SNX29: variants seen among roughly 807,000 people sequenced by gnomAD.
SNX29 encodes the protein sorting nexin-29.
A neutral mutation model predicts 102.1 loss-of-function variants in SNX29; 78 were observed. That is an observed-to-expected ratio of 0.76 (90% CI 0.64 to 0.92). SNX29 has a LOEUF of 0.92. Ranked by LOEUF, SNX29 falls within the 40% of genes least tolerant of loss-of-function variation. The pLI is 0.00. For synonymous variants in SNX29, 580 were observed against 414.5 expected (o/e 1.40, Z -4.85); for missense variants, 1,280 against 1,061.7 (o/e 1.21, Z -2.86).
rs1355418895 is a variant in SNX29, at chr16:12,051,977, G to C, written c.879G>C (p.Glu293Asp). Residue 293 changes from glutamate to aspartate, a missense_variant, in exon 8 of 21, where the codon GAG (glutamate) becomes GAC (aspartate). By Grantham distance (45) the Glu-to-Asp change is conservative. Transcript: ENST00000566228. ...CACCTGGGGCAGGGGAGAGCTCAGA[G>C]GACAACTCCGACCGCTCCTCTGTCA... The part of the protein sequence containing the change: ...KKTPGAGESS[E>D]DNSDRSSVNI... 1.9e-6 allele frequency: 3 copies of C among 1,613,938 alleles called. No individual in the cohort carries two copies. The highest frequency in any genetic ancestry group is 1.7e-6 in the Non-Finnish European group (2 of 1,179,858).
At chr16:12,279,527 C>T (rs1306017815) in intron 15 of SNX29, among the ~76,000 whole-genome samples, 1 of 152,212 alleles carries the variant, frequency 6.6e-6, no homozygotes, top group African/African-American at 2.4e-5. Flanking sequence ...TCCTTGGGAG[C>T]TCCCTCAGTG....
intron 11 of SNX29, among the ~76,000 whole-genome samples, chr16:12,125,170 A>G (rs1024032466): frequency 8.5e-5 from 13 of 152,196 alleles, no homozygotes; most frequent in African/African-American, 2.9e-4. Flanking sequence ...AAGAGTCACA[A>G]AACAGCCAAT....
intron 13 of SNX29, among the ~76,000 whole-genome samples, chr16:12,152,384 C>G (rs2055338649): frequency 6.6e-6 from 1 of 152,204 alleles, no homozygotes; most frequent in African/African-American, 2.4e-5. Flanking sequence ...AGATGGGACA[C>G]CTGCAGATGG....
chr16:12,395,035 C>G (rs890131770), intron 16 of SNX29, among the ~76,000 whole-genome samples: 8 of 152,148 alleles, frequency 5.3e-5, no homozygotes, highest in Non-Finnish European at 1.0e-4. Flanking sequence ...ATTTTTTTTA[C>G]CACAATGGGA....
At chr16:12,250,694 G>C (rs900859114) in intron 14 of SNX29, among the ~76,000 whole-genome samples, 6 of 152,220 alleles carry the variant, frequency 3.9e-5, no homozygotes, top group African/African-American at 1.4e-4. Flanking sequence ...TGCACAGGTG[G>C]TTGAAGCACT....
rs1421151704 is a variant in SNX29, at chr16:12,567,120, A to T, written c.2319-1386A>T. Among the ~76,000 whole-genome samples the T allele has an allele frequency of 4.6e-5, 7 of 152,356 alleles. No homozygotes were observed. In the South Asian group the frequency reaches 1.0e-3, roughly 23 times the overall value. The stretch of plus-strand genomic sequence containing the variant: ...ATTTCTTTATGAATGCAAGTCTCTT[A>T]ACTCACATGATTTGTGAAACTGGGC... On this transcript the variant is annotated intron_variant, in intron 20 of 20. Coordinates refer to ENST00000566228, the MANE Select transcript of SNX29 (RefSeq NM_032167.5).
rs115707289 is a variant in SNX29 at position 12,566,496 on chromosome 16, A to G, written c.2319-2010A>G. Among the ~76,000 whole-genome samples the G allele has an allele frequency of 6.2e-4, 94 of 152,318 alleles. 1 individual carries two copies. The highest frequency in any genetic ancestry group is 2.1e-3 in the African/African-American group (89 of 41,568). ...TGTGCTGAATGATGATGGTGGTTGC[A>G]GGCTAAGTGGCTGCTCAGACCCCGC... On this transcript the variant is annotated intron_variant, in intron 20 of 20. Coordinates refer to ENST00000566228, the MANE Select transcript of SNX29 (RefSeq NM_032167.5).
chr16:11,997,096 T>TCTAA (rs1292478122), intron 1 of SNX29, among the ~76,000 whole-genome samples: 12 of 152,068 alleles, frequency 7.9e-5, no homozygotes, highest in Admixed American at 7.9e-4. Flanking sequence ...ATTTCAACAG[T>TCTAA]CTAACCCCTT....
At chr16:12,385,945 C>T (rs560506459) in intron 16 of SNX29, among the ~76,000 whole-genome samples, 116 of 152,320 alleles carry the variant, frequency 7.6e-4, no homozygotes, top group African/African-American at 2.8e-3. Context: ...GACTGAGGGA[C>T]ACATCACATC....
chr16:12,132,033 A>G (rs779007103), intron 13 of SNX29, among the ~76,000 whole-genome samples: 1 of 152,138 alleles, frequency 6.6e-6, no homozygotes, highest in Non-Finnish European at 1.5e-5. Flanking sequence ...AATGTTCACA[A>G]TAAAGTCTGA....
chr16:12,181,807 G>A (rs1352568856), intron 13 of SNX29, among the ~76,000 whole-genome samples: 1 of 151,804 alleles, frequency 6.6e-6, no homozygotes, highest in Non-Finnish European at 1.5e-5. Context: ...CTTTATCCTT[G>A]CCTGCTTATA....
intron 3 of SNX29, among the ~76,000 whole-genome samples, chr16:12,011,150 CT>C (rs1220464743): frequency 4.1e-5 from 6 of 146,522 alleles, no homozygotes; most frequent in African/African-American, 1.5e-4. Flanking sequence ...ATATTGCATA[CT>C]CTTTTATTTT....
At chr16:12,514,955 A>G (rs1436043247) in intron 19 of SNX29, among the ~76,000 whole-genome samples, 1 of 152,060 alleles carries the variant, frequency 6.6e-6, no homozygotes, top group Non-Finnish European at 1.5e-5. Context: ...AAAGAAAGAA[A>G]AAAGCCCCTC....
intron 20 of SNX29, among the ~76,000 whole-genome samples, chr16:12,549,560 C>A (rs531215082): frequency 6.7e-6 from 1 of 150,018 alleles, no homozygotes; most frequent in African/African-American, 2.5e-5. Flanking sequence ...GAGTGGGCTT[C>A]CACCCTGGGA....
rs142029853 is a variant in SNX29 at position 12,040,010 on chromosome 16, G to A, written c.248-2887G>A. On this transcript the variant is annotated intron_variant, in intron 4 of 20. Coordinates refer to ENST00000566228, the MANE Select transcript of SNX29 (RefSeq NM_032167.5). ...TGCCAGCATGAAAAAATGTTAAAGA[G>A]GCAATGTTAAGTGAAGAAAATTGAT... is the stretch of plus-strand genomic sequence containing the variant. 1.1e-4 allele frequency among the ~76,000 whole-genome samples: 17 copies of A among 152,260 alleles called. No individual in the cohort carries two copies. The East Asian group carries it at 2.9e-3, about 26-fold the overall frequency.
chr16:12,512,369 AAT>A (rs58157322), intron 19 of SNX29, among the ~76,000 whole-genome samples: 442 of 43,800 alleles, frequency 0.01, 2 homozygotes, highest in Non-Finnish European at 0.012. Context: ...GCCCAGGGAA[AAT>A]ATATATATAT....
chr16:12,244,249 T>C (rs752950225), intron 14 of SNX29, among the ~76,000 whole-genome samples: 26 of 152,192 alleles, frequency 1.7e-4, no homozygotes, highest in Admixed American at 1.0e-3. Flanking sequence ...TGGAGACCCC[T>C]GCCTTAGGGT....
intron 20 of SNX29, among the ~76,000 whole-genome samples, chr16:12,529,083 G>A (rs1198175236): frequency 6.6e-6 from 1 of 152,216 alleles, no homozygotes; most frequent in Non-Finnish European, 1.5e-5. Context: ...AATCTGAGTT[G>A]AAGAATCGGG....
Position 12,048,520 on chromosome 16 carries a change from C to T in SNX29, c.648C>T (p.Ser216=), listed in dbSNP as rs774654021. ...LLKESTQGVS[S]LFREITASSA... ...AGGAGTCCACGCAAGGAGTGAGCAG[C>T]CTGTTCAGGGAGATCACAGCCTCCT... The change falls in exon 7 of 21, where the codon AGC becomes AGT. Residue 216 remains serine, a synonymous_variant. Transcript: ENST00000566228. The T allele has an allele frequency of 3.7e-6, 6 of 1,613,934 alleles. No individual in the cohort carries two copies. In the Admixed American group the frequency reaches 8.3e-5, roughly 22 times the overall value.
Sources: gnomAD v4.1 joint callset for allele counts (sites outside exome capture counted in the v4.1 genomes callset) on GRCh38, gnomAD v4.1.1 for gene constraint, MANE v1.5 for transcripts, NCBI Gene and HGNC (gene_info 2026-07-23, HGNC 2026-07-21) for gene names.